TTN: variants seen among roughly 807,000 people sequenced by gnomAD.
TTN encodes titin, also known as connectin.
In TTN, 1,525 loss-of-function variants were observed where a neutral mutation model predicts 3,223.0. That is an observed-to-expected ratio of 0.47 (90% CI 0.45 to 0.49). The LOEUF (loss-of-function observed/expected upper bound fraction) is 0.49. Ranked by LOEUF, TTN falls within the 20% of genes least tolerant of loss-of-function variation. The pLI is 0.00. For synonymous variants in TTN, 14,094 were observed against 15,161.0 expected, an observed-to-expected ratio of 0.93 and a Z score of 5.17; for missense variants, 40,786 against 43,424.0, an observed-to-expected ratio of 0.94 and a Z score of 5.40.
chr2:178,595,382 G>C (rs1235275552), intron 295 of TTN, 125 bp downstream of exon 295: 1 of 864,954 alleles, frequency 1.2e-6, no homozygotes, highest in Non-Finnish European at 1.8e-6. Flanking sequence ...ATACTGAGTA[G>C]TTGTGTGATA....
Position 178,560,744 on chromosome 2 carries a change from A to C in TTN, c.85388T>G (p.Leu28463Arg). Residue 28463 changes from leucine (L) to arginine (R), a missense_variant, in exon 326 of 363, where the codon CTC becomes CGC. Leu to Arg is a moderately radical substitution (Grantham distance 102). Transcript: ENST00000589042. ...PPAGPLEING[L>R]TAEKCSLSWG... is the part of the protein sequence containing the mutation. ...GGAAAGAGAGCATTTCTCAGCAGTG[A>C]GGCCATTTATTTCAAGTGGTCCTGC... is the stretch of plus-strand genomic sequence containing the variant. The C allele has an allele frequency of 6.2e-7, 1 of 1,613,778 alleles. No individual in the cohort carries two copies. The highest frequency in any genetic ancestry group is 8.5e-7 in the Non-Finnish European group (1 of 1,179,812).
At position 178,599,131 on chromosome 2, in the gene TTN, T is replaced by C. The variant is rs918392584; in HGVS notation, c.56647+15A>G. The C allele has an allele frequency of 7.3e-6, 11 of 1,509,980 alleles. No individual in the cohort carries two copies. The highest frequency in any genetic ancestry group is 9.7e-6 in the Non-Finnish European group (11 of 1,133,020). 93.5% of individuals were successfully genotyped at this position (1,509,980 alleles called of 1,614,324 possible). On this transcript the variant is annotated intron_variant, in intron 290 of 362. Transcript: ENST00000589042. ...GTAAAAATGGCTTTGTATGTGAAAA[T>C]GTTCTCCTACTTACAGAAGAGGTTT... is the stretch of plus-strand genomic sequence containing the variant.
Position 178,569,041 on chromosome 2 carries a change from T to C in TTN, c.77091A>G (p.Glu25697=), listed in dbSNP as rs1427670072. Residue 25697 remains glutamate (E), a synonymous_variant, in exon 326 of 363, where the codon GAA becomes GAG. Transcript: ENST00000589042. ...TTATTTTTCCAGGAGGTTGTGGCAC[T>C]TCTGCAACCTTAATTGGATCAGCAG... The part of the protein sequence containing the change: ...AQTADPIKVA[E]VPQPPGKITV... 20 of 1,613,226 alleles carry C rather than the reference T, an allele frequency of 1.2e-5. No individual in the cohort carries two copies. Among genetic ancestry groups the C allele is most frequent in the Non-Finnish European group, 1.7e-5 (20 of 1,179,550 alleles).
chr2:178,596,871 G>A (rs756946360), intron 294 of TTN, among the ~76,000 whole-genome samples: 1 of 152,004 alleles, frequency 6.6e-6, no homozygotes, highest in African/African-American at 2.4e-5. Context: ...TCCAGTGAGA[G>A]CCATGAAAAA....
Position 178,718,451 on chromosome 2 carries a change from T to C in TTN, c.24655A>G (p.Ile8219Val), listed in dbSNP as rs766216038. The C allele has an allele frequency of 1.2e-6, 2 of 1,613,820 alleles. No homozygotes were observed. Among genetic ancestry groups the C allele is most frequent in the South Asian group, 1.1e-5 (1 of 91,086 alleles). Residue 8219 changes from isoleucine to valine, a missense_variant, in exon 85 of 363, where the codon ATT (isoleucine) becomes GTT (valine). Transcript: ENST00000589042. ...YLISQSERCS[I>V]TMTEKSTILE... ...ATGGTAGATTTTTCTGTCATAGTAA[T>C]ACTGCATCTCTCAGATTGTGAAATA... is the stretch of plus-strand genomic sequence containing the variant.
Position 178,563,119 on chromosome 2 carries a change from C to T in TTN, c.83013G>A (p.Glu27671=). The change falls in exon 326 of 363, where the codon GAG becomes GAA. Residue 27671 remains glutamate (E), a synonymous_variant. Coordinates refer to ENST00000589042, the MANE Select transcript of TTN (RefSeq NM_001267550.2). The surrounding 1 kb of genome is among the most constrained non-coding windows in gnomAD (Gnocchi z 4.5). ...CAGCATCGAGTTCTATTTCTGGTGG[C>T]TCTATCCTCTCCTGAGCAACCACTG... ...PGSVVAQERI[E]PPEIELDADL... is the part of the protein sequence containing the mutation. 1 of 1,613,704 alleles carries T rather than the reference C, an allele frequency of 6.2e-7. No homozygotes were observed. Among genetic ancestry groups the T allele is most frequent in the East Asian group, 2.2e-5 (1 of 44,854 alleles).
chr2:178,773,351 C>T lies in TTN; in HGVS notation c.7613G>A (p.Gly2538Asp), dbSNP rs1274574174. ...LSVEKIKIIR[G>D]LRDLTCTETQ... ...TTCTGTACAGGTAAGGTCACGAAGA[C>T]CTCTGATAATTTTAATTTCTGGGGA... Residue 2538 changes from glycine to aspartate, a missense_variant, in exon 33 of 363, where the codon GGT (glycine) becomes GAT (aspartate). Physicochemically the swap from Gly to Asp is moderately conservative, Grantham distance 94. Transcript: ENST00000589042. 15 of 1,613,812 alleles carry T rather than the reference C, an allele frequency of 9.3e-6. No homozygotes were observed. Among genetic ancestry groups the T allele is most frequent in the African/African-American group, 1.3e-5 (1 of 74,892 alleles).
chr2:178,751,249 T>C, intron 47 of TTN: 1 of 1,608,248 alleles, frequency 6.2e-7, no homozygotes, highest in Middle Eastern at 1.7e-4. Context: ...AAAGAGATAA[T>C]TTCTTTTTCT....
Position 178,575,803 on chromosome 2 carries a change from C to T in TTN, c.70329G>A (p.Arg23443=). The T allele has an allele frequency of 6.2e-7, 1 of 1,613,082 alleles. No individual in the cohort carries two copies. The highest frequency in any genetic ancestry group is 1.3e-5 in the African/African-American group (1 of 75,006). ...LDTPGPVLNL[R]PTDITKDSVT... ...CACTGTCCTTTGTGATGTCTGTAGGCCGCAGGTTGAGGACTGGGCCTGGCG... is the reference window on the plus strand; with the variant it reads ...CACTGTCCTTTGTGATGTCTGTAGGTCGCAGGTTGAGGACTGGGCCTGGCG... The change falls in exon 326 of 363, where the codon CGG becomes CGA. Residue 23443 remains arginine, a synonymous_variant. Transcript: ENST00000589042. This position sits in a 1 kb window ranked among gnomAD's most constrained non-coding sequence, Gnocchi z 4.0.
At position 178,570,114 on chromosome 2, in the gene TTN, C is replaced by T. The variant is rs1207970602; in HGVS notation, c.76018G>A (p.Val25340Ile). 3 of 1,613,336 alleles carry T rather than the reference C, an allele frequency of 1.9e-6. No individual in the cohort carries two copies. Among genetic ancestry groups the T allele is most frequent in the African/African-American group, 2.7e-5 (2 of 74,868 alleles). ...CCTTCTTTATCCCGTTTCTCAAGAACATATCCAAGAATTTCACTACCACCA... is the reference window on the plus strand; with the variant it reads ...CCTTCTTTATCCCGTTTCTCAAGAATATATCCAAGAATTTCACTACCACCA... ...SDGGSEILGY[V>I]LEKRDKEGIR... is the part of the protein sequence containing the mutation. The change falls in exon 326 of 363, where the codon GTT (valine) becomes ATT (isoleucine). Residue 25340 changes from valine (V) to isoleucine (I), a missense_variant. Coordinates refer to ENST00000589042, the MANE Select transcript of TTN (RefSeq NM_001267550.2).
rs1203263402 is a variant in TTN at position 178,749,871 on chromosome 2, T to C, written c.11311+3253A>G. The C allele has an allele frequency of 3.1e-6, 5 of 1,613,098 alleles. No homozygotes were observed. Among genetic ancestry groups the C allele is most frequent in the Non-Finnish European group, 4.2e-6 (5 of 1,179,434 alleles). ...TCACCAGATATTAAACATTCAAGAATGATGGAATCCCCTTCTCTACACCTG... is the reference window on the plus strand; with the variant it reads ...TCACCAGATATTAAACATTCAAGAACGATGGAATCCCCTTCTCTACACCTG... On this transcript the variant is annotated intron_variant, in intron 47 of 362. Transcript: ENST00000589042.
Position 178,672,167 on chromosome 2 carries a change from T to G in TTN, c.35031A>C (p.Glu11677Asp). ...CATGGAACTCTTCTTCTTCCGGAAT[T>G]TCTTCCACTTCTGCTTCTACTACTT... ...ELEVVEAEVEEIPEEEEFHEV... is the reference protein window; with the variant it reads ...ELEVVEAEVEDIPEEEEFHEV... Residue 11677 changes from glutamate to aspartate, a missense_variant, in exon 155 of 363, where the codon GAA becomes GAC. Physicochemically the swap from Glu to Asp is conservative, Grantham distance 45. Transcript: ENST00000589042. 6.3e-7 allele frequency: 1 copy of G among 1,588,924 alleles called. No individual in the cohort carries two copies. The highest frequency in any genetic ancestry group is 1.3e-5 in the African/African-American group (1 of 74,554).
chr2:178,736,916 T>C (rs2081553672), intron 49 of TTN, among the ~76,000 whole-genome samples: 1 of 152,136 alleles, frequency 6.6e-6, no homozygotes. Flanking sequence ...CCTCATCGTT[T>C]TCACATTCAA....
rs72629781 is a variant in TTN, at chr2:178,535,176, C to T, written c.101439G>A (p.Lys33813=). 12 of 1,613,808 alleles carry T rather than the reference C, an allele frequency of 7.4e-6. No individual in the cohort carries two copies. In the African/African-American group the frequency reaches 1.1e-4, roughly 14 times the overall value. Reference sequence around the variant, plus strand: ...CAATCATATATTTCTCATAGAGTTCCTTGGTTGAAGAGTGAGATGCTTTAG... The same window carrying T: ...CAATCATATATTTCTCATAGAGTTCTTTGGTTGAAGAGTGAGATGCTTTAG... The part of the protein sequence containing the change: ...SMTKASHSST[K]ELYEKYMIAE... The change falls in exon 358 of 363, where the codon AAG becomes AAA. Residue 33813 remains lysine, a synonymous_variant. Coordinates refer to ENST00000589042, the MANE Select transcript of TTN (RefSeq NM_001267550.2).
chr2:178,551,219 T>C lies in TTN; in HGVS notation c.91312A>G (p.Thr30438Ala). 3 of 1,613,390 alleles carry C rather than the reference T, an allele frequency of 1.9e-6. No individual in the cohort carries two copies. The highest frequency in any genetic ancestry group is 1.7e-6 in the Non-Finnish European group (2 of 1,179,640). ...TPDYIDVTRETITLKWNPPLR... is the reference protein window; with the variant it reads ...TPDYIDVTREAITLKWNPPLR... Reference sequence around the variant, plus strand: ...GGTGGGTTCCATTTAAGTGTGATGGTTTCCCGGGTGACATCAATGTAGTCA... The same window carrying C: ...GGTGGGTTCCATTTAAGTGTGATGGCTTCCCGGGTGACATCAATGTAGTCA... Residue 30438 changes from threonine to alanine, a missense_variant, in exon 336 of 363, where the codon ACC (threonine) becomes GCC (alanine). By Grantham distance (58) the Thr-to-Ala change is moderately conservative (BLOSUM62 0). Coordinates refer to ENST00000589042, the MANE Select transcript of TTN (RefSeq NM_001267550.2).
chr2:178,531,884 A>G lies in TTN; in HGVS notation c.104731T>C (p.Tyr34911His), dbSNP rs1325696327. ...TTTAAAGCAGCTTTCATGGACTCAT[A>G]CCTGGAAAAGATATCAAATCTTGCA... ...RSARFDIFSR[Y>H]ESMKAALKTQ... The change falls in exon 358 of 363, where the codon TAT becomes CAT. Residue 34911 changes from tyrosine (Y) to histidine (H), a missense_variant. Coordinates refer to ENST00000589042, the MANE Select transcript of TTN (RefSeq NM_001267550.2). 3.7e-6 allele frequency: 6 copies of G among 1,612,870 alleles called. No homozygotes were observed. In the African/African-American group the frequency reaches 8.0e-5, roughly 22 times the overall value.
Position 178,702,173 on chromosome 2 carries a change from G to A in TTN, c.30506C>T (p.Thr10169Met), listed in dbSNP as rs769423074. The change falls in exon 108 of 363, where the codon ACG (threonine) becomes ATG (methionine). Residue 10169 changes from threonine to methionine, a missense_variant. By Grantham distance (81) the Thr-to-Met change is moderately conservative. Transcript: ENST00000589042. ...ARSTAELYLT[T>M]KEIKLELKPP... is the part of the protein sequence containing the mutation. ...TTCTGATGGCGCTACCTCACCTTTC[G>A]TCGTTAGGTACAGCTCTGCCGTGCT... The A allele has an allele frequency of 2.7e-5, 43 of 1,613,776 alleles. No homozygotes were observed. Among genetic ancestry groups the A allele is most frequent in the African/African-American group, 4.0e-5 (3 of 74,886 alleles).
At chr2:178,617,728 C>T (rs1185044707) in intron 253 of TTN, 51 bp downstream of exon 253, 13 of 1,587,130 alleles carry the variant, frequency 8.2e-6, no homozygotes, top group Non-Finnish European at 1.1e-5. Context: ...ATTGATAGGC[C>T]TAATATCTGG....
At position 178,598,513 on chromosome 2, in the gene TTN, C is replaced by T; in HGVS notation, c.57104G>A (p.Trp19035Ter). ...AGTGCCAAGTTTTCCTACCTTTTCCCATTCTTCTTTTCCTTCTTCTTTATA... is the reference window on the plus strand; with the variant it reads ...AGTGCCAAGTTTTCCTACCTTTTCCTATTCTTCTTTTCCTTCTTCTTTATA... ...VEYKEEGKEE[W>*]EKGKDKEVRG... The change falls in exon 292 of 363, where the codon TGG becomes TAG. Residue 19035 changes from tryptophan to a stop codon, truncating the protein, a stop_gained. Transcript: ENST00000589042. LOFTEE classifies it high-confidence loss of function. 1 of 1,604,790 alleles carries T rather than the reference C, an allele frequency of 6.2e-7. No homozygotes were observed. Among genetic ancestry groups the T allele is most frequent in the Non-Finnish European group, 8.5e-7 (1 of 1,177,666 alleles).
Sources: gnomAD v4.1 joint callset for allele counts (sites outside exome capture counted in the v4.1 genomes callset) on GRCh38, gnomAD v4.1.1 for gene constraint, Gnocchi (gnomAD v3.1) non-coding constraint, MANE v1.5 for transcripts, NCBI Gene and HGNC (gene_info 2026-07-23, HGNC 2026-07-21) for gene names.